Variants in ARHGAP45 observed in about 807,000 individuals in gnomAD.
The protein encoded by ARHGAP45 is rho GTPase-activating protein 45.
A neutral mutation model predicts 116.1 loss-of-function variants in ARHGAP45; 56 were observed. That is an observed-to-expected ratio of 0.48 (90% CI 0.39 to 0.60). ARHGAP45 has a LOEUF of 0.60. ARHGAP45 is among the 20% of genes least tolerant of loss of function. The pLI, the probability that ARHGAP45 is intolerant of heterozygous loss-of-function variation, is 0.00. For missense variants in ARHGAP45, 1,622 were observed against 1,601.0 expected (o/e 1.01, Z -0.22); for synonymous variants, 866 against 701.7 (o/e 1.23, Z -3.70).
rs956875696 is a variant in ARHGAP45 at position 1,078,034 on chromosome 19, G to A, written c.1363G>A (p.Ala455Thr). The A allele has an allele frequency of 1.3e-6, 2 of 1,554,158 alleles. No homozygotes were observed. Among genetic ancestry groups the A allele is most frequent in the Non-Finnish European group, 1.7e-6 (2 of 1,147,210 alleles). The change falls in exon 11 of 23, where the codon GCC becomes ACC. Residue 455 changes from alanine to threonine, a missense_variant. Physicochemically the swap from Ala to Thr is moderately conservative, Grantham distance 58. Transcript: ENST00000313093. ...CAAGCGGCGGCGGCTGGAGGAGGAG[G>A]CCAAGAACAAGGTGAGGGCGGGTGG... Reference protein sequence around the residue: ...LDKRRRLEEEAKNKAEEAMAT... With the variant: ...LDKRRRLEEETKNKAEEAMAT...
At chr19:1,067,552 C>A in intron 1 of ARHGAP45, 57 bp downstream of exon 1, 1 of 1,459,968 alleles carries the variant, frequency 6.8e-7, no homozygotes, top group Non-Finnish European at 9.4e-7. Flanking sequence ...GGGACAGGGA[C>A]CCGCCCTGTG....
intron 10 of ARHGAP45, among the ~76,000 whole-genome samples, 162 bp downstream of exon 10, chr19:1,075,041 C>T (rs2043217778): frequency 1.3e-5 from 2 of 150,576 alleles, no homozygotes; most frequent in Admixed American, 6.6e-5. Flanking sequence ...CCCCCAACGC[C>T]AAGCCGGGTC....
chr19:1,070,314 T>TTTTTC (rs1247291646), intron 2 of ARHGAP45, among the ~76,000 whole-genome samples: 42 of 144,234 alleles, frequency 2.9e-4, no homozygotes, highest in African/African-American at 7.3e-4. Context: ...TTTTTCTTTC[T>TTTTTC]TTTTCTTTTC....
intron 19 of ARHGAP45, 54 bp downstream of exon 19, chr19:1,082,015 G>A: frequency 6.3e-7 from 1 of 1,577,650 alleles, no homozygotes; most frequent in South Asian, 1.1e-5. Context: ...TAGCCAGGCA[G>A]GAGGAGGCGG....
At position 1,083,170 on chromosome 19, in the gene ARHGAP45, G is replaced by A. The variant is rs1226019435; in HGVS notation, c.2772G>A (p.Lys924=). ...TCGTGGAGGTGGAGCAGGACAACAA[G>A]ATGACCCCCGGGAACCTGGGCATCG... ...RRIVEVEQDN[K]MTPGNLGIVF... The change falls in exon 21 of 23, where the codon AAG becomes AAA. Residue 924 remains lysine (K), a synonymous_variant. Coordinates refer to ENST00000313093, the MANE Select transcript of ARHGAP45 (RefSeq NM_012292.5). 6.2e-7 allele frequency: 1 copy of A among 1,610,682 alleles called. No homozygotes were observed. The highest frequency in any genetic ancestry group is 8.5e-7 in the Non-Finnish European group (1 of 1,179,490).
chr19:1,069,858 C>G lies in ARHGAP45; in HGVS notation c.421+1114C>G, dbSNP rs1206001842. 6.7e-6 allele frequency among the ~76,000 whole-genome samples: 1 copy of G among 150,276 alleles called. No individual in the cohort carries two copies. Among genetic ancestry groups the G allele is most frequent in the African/African-American group, 2.4e-5 (1 of 41,034 alleles). ...TTGATACAGGGTCTTGCTCTGTTGC[C>G]CAGGCTGGAGTCCAGTGGTGTGATT... On this transcript the variant is annotated intron_variant, in intron 2 of 22. Coordinates refer to ENST00000313093, the MANE Select transcript of ARHGAP45 (RefSeq NM_012292.5). The surrounding 1 kb of genome is among the most constrained non-coding windows in gnomAD (Gnocchi z 4.1).
rs11348811 is a variant in ARHGAP45 at position 1,067,954 on chromosome 19, T to TG, written c.91-450dup. Among the ~76,000 whole-genome samples, 261 of 80,228 alleles carry TG rather than the reference T, an allele frequency of 3.3e-3. 1 individual carries two copies. The highest frequency in any genetic ancestry group is 0.01 in the South Asian group (21 of 2,032). 52.6% of individuals were successfully genotyped at this position (80,228 alleles called of 152,430 possible). A position where few individuals can be genotyped will look rare whatever the true frequency, so the allele number is the denominator to read the frequency against. On this transcript the variant is annotated intron_variant, in intron 1 of 22. Coordinates refer to ENST00000313093, the MANE Select transcript of ARHGAP45 (RefSeq NM_012292.5). ...CCCAGGCCTGGGGTGTCTACAAAGC[T>TG]GGGGGGGGGGTCTACAGAGCTTGGG...
Position 1,068,280 on chromosome 19 carries a change from T to A in ARHGAP45, c.91-134T>A, listed in dbSNP as rs941139952. The A allele has an allele frequency of 1.7e-5, 12 of 709,292 alleles. No homozygotes were observed. The highest frequency in any genetic ancestry group is 1.6e-4 in the Admixed American group (5 of 32,022). The allele number at this position is 709,292 out of a possible 1,614,324, so 43.9% of individuals were successfully genotyped here. A position where few individuals can be genotyped will look rare whatever the true frequency, so the allele number is the denominator to read the frequency against. On this transcript the variant is annotated intron_variant, in intron 1 of 22. Coordinates refer to ENST00000313093, the MANE Select transcript of ARHGAP45 (RefSeq NM_012292.5). The surrounding 1 kb of genome is among the most constrained non-coding windows in gnomAD (Gnocchi z 7.5). Reference sequence around the variant, plus strand: ...GGTACACTACCAAATCTCGGCCCTGTGACCTCTGGCCTTTGACCCCTGTGG... The same window carrying A: ...GGTACACTACCAAATCTCGGCCCTGAGACCTCTGGCCTTTGACCCCTGTGG...
chr19:1,066,644 A>C (rs2043036867), upstream of ARHGAP45: 1 of 160,382 alleles, frequency 6.2e-6, no homozygotes, highest in Non-Finnish European at 1.4e-5. Flanking sequence ...AGGGCCCGGT[A>C]ACCTGGATTG....
At chr19:1,072,200 T>C (rs2043153982) in intron 2 of ARHGAP45, among the ~76,000 whole-genome samples, 1 of 151,770 alleles carries the variant, frequency 6.6e-6, no homozygotes, top group Non-Finnish European at 1.5e-5. Context: ...TAGCCGGCAT[T>C]ACAGAGGAGT....
rs377251479 is a variant in ARHGAP45 at position 1,084,330 on chromosome 19, G to A, written c.3048G>A (p.Ala1016=). 5.6e-6 allele frequency: 9 copies of A among 1,610,290 alleles called. No individual in the cohort carries two copies. The East Asian group carries it at 6.7e-5, about 12-fold the overall frequency. ...TGGTCTACCCGCTGCAGGAGGCGGC[G>A]GCGGACGGGTGCAGAGGTGAGTGTG... The part of the protein sequence containing the change: ...EAVVYPLQEA[A]ADGCRESRVV... The change falls in exon 22 of 23, where the codon GCG becomes GCA. Residue 1016 remains alanine, a synonymous_variant. Transcript: ENST00000313093.
Position 1,080,489 on chromosome 19 carries a change from G to C in ARHGAP45, c.1854G>C (p.Lys618Asn). The stretch of plus-strand genomic sequence containing the variant: ...CCGGGCGAGGACACCAGGTTCACAA[G>C]TCATGGCCGCTCTCGATCTCAGACT... The part of the protein sequence containing the change: ...HRAGRGHQVH[K>N]SWPLSISDSD... Residue 618 changes from lysine to asparagine, a missense_variant, in exon 15 of 23, where the codon AAG (lysine) becomes AAC (asparagine). This residue lies in a region of ARHGAP45 where 1,334 missense variants were observed against 1,263.8 expected (regional missense o/e 1.06). Transcript: ENST00000313093. 1 of 1,612,958 alleles carries C rather than the reference G, an allele frequency of 6.2e-7. No homozygotes were observed. Among genetic ancestry groups the C allele is most frequent in the Non-Finnish European group, 8.5e-7 (1 of 1,179,980 alleles).
chr19:1,076,512 T>TTTTTTTTTTTA (rs2043254018), intron 10 of ARHGAP45, among the ~76,000 whole-genome samples: 1 of 109,616 alleles, frequency 9.1e-6, no homozygotes, highest in African/African-American at 3.3e-5. Context: ...TTTTTTTTTT[T>TTTTTTTTTTTA]TGAGACAAGA....
chr19:1,081,855 G>A lies in ARHGAP45; in HGVS notation c.2411G>A (p.Arg804His), dbSNP rs1458415560. The A allele has an allele frequency of 6.2e-7, 1 of 1,612,338 alleles. No individual in the cohort carries two copies. Among genetic ancestry groups the A allele is most frequent in the African/African-American group, 1.3e-5 (1 of 74,904 alleles). Residue 804 changes from arginine (R) to histidine (H), a missense_variant, in exon 19 of 23, where the codon CGC (arginine) becomes CAC (histidine). By Grantham distance (29) the Arg-to-His change is conservative. Transcript: ENST00000313093. ...TACCGGGTCAATGGGGTAAAGACAC[G>A]CGTGGAGAAGCTGTGCCAGGCCTTC... ...GIYRVNGVKT[R>H]VEKLCQAFEN...
At position 1,079,152 on chromosome 19, in the gene ARHGAP45, C is replaced by A. The variant is rs373498247; in HGVS notation, c.1375-551C>A. 9.4e-5 allele frequency among the ~76,000 whole-genome samples: 14 copies of A among 149,582 alleles called. No individual in the cohort carries two copies. The East Asian group carries it at 1.8e-3, about 19-fold the overall frequency. ...CCGAGATCGCGCCACTGCACTCCAG[C>A]CTGGGCGACAGAACGAGACTCTGTC... On this transcript the variant is annotated intron_variant, in intron 11 of 22. Transcript: ENST00000313093.
At chr19:1,072,736 T>G (rs1014693882) in intron 2 of ARHGAP45, among the ~76,000 whole-genome samples, 1 of 152,196 alleles carries the variant, frequency 6.6e-6, no homozygotes, top group African/African-American at 2.4e-5. Flanking sequence ...TGGCTTCCCC[T>G]CTCTATGCCT....
chr19:1,073,345 G>A (rs2043175148), intron 3 of ARHGAP45, 53 bp downstream of exon 3: 11 of 1,601,298 alleles, frequency 6.9e-6, no homozygotes, highest in Non-Finnish European at 4.3e-6. Context: ...AGGGCATCCT[G>A]GAGGAGGGGA....
Position 1,085,741 on chromosome 19 carries a change from T to C in ARHGAP45, c.3146T>C (p.Leu1049Pro). ...ELLSSSEASA[L>P]GHLSFLEQQQ... ...CTGTCCTCATCGGAGGCCAGTGCCC[T>C]GGGCCACCTCAGCTTCCTGGAGCAG... is the stretch of plus-strand genomic sequence containing the variant. The change falls in exon 23 of 23, where the codon CTG becomes CCG. Residue 1049 changes from leucine (L) to proline (P), a missense_variant. Transcript: ENST00000313093. The C allele has an allele frequency of 6.2e-7, 1 of 1,612,342 alleles. No homozygotes were observed. The highest frequency in any genetic ancestry group is 8.5e-7 in the Non-Finnish European group (1 of 1,179,700).
upstream of ARHGAP45, chr19:1,066,418 A>T: frequency 3.7e-6 from 2 of 534,098 alleles, no homozygotes; most frequent in South Asian, 4.3e-5. Context: ...GTCCAGAGTC[A>T]CTGGAATGCA....
Sources: gnomAD v4.1 joint callset for allele counts (sites outside exome capture counted in the v4.1 genomes callset) on GRCh38, gnomAD v4.1.1 for gene constraint, gnomAD v4.1.1 regional missense constraint, Gnocchi (gnomAD v3.1) non-coding constraint, MANE v1.5 for transcripts, NCBI Gene and HGNC (gene_info 2026-07-23, HGNC 2026-07-21) for gene names.